Variants in CEP83 observed in about 807,000 individuals in gnomAD.
CEP83 encodes the protein centrosomal protein 83, also known as centrosomal protein of 83 kDa.
A neutral mutation model predicts 101.9 loss-of-function variants in CEP83; 70 were observed. The observed-to-expected ratio is 0.69, with a 90% CI of 0.57 to 0.84. The LOEUF is 0.84. Ranked by LOEUF, CEP83 falls within the 40% of genes least tolerant of loss-of-function variation. The pLI, the probability that CEP83 is intolerant of heterozygous loss-of-function variation, is 0.00. For synonymous variants in CEP83, 264 were observed against 267.9 expected, an observed-to-expected ratio of 0.99 and a Z score of 0.14; for missense variants, 715 against 787.2, an observed-to-expected ratio of 0.91 and a Z score of 1.10.
intron 4 of CEP83, chr12:94,408,226 C>G (rs940224289): frequency 6.6e-6 from 1 of 152,154 alleles, no homozygotes; most frequent in African/African-American, 2.4e-5. Context: ...TCTATAAAAA[C>G]AAATCTTTAA....
chr12:94,369,829 G>A, intron 9 of CEP83, 93 bp downstream of exon 9: 1 of 696,626 alleles, frequency 1.4e-6, no homozygotes, highest in Non-Finnish European at 2.5e-6. Flanking sequence ...TTGAAAATTT[G>A]GAAATAAAAA....
chr12:94,267,203 C>A, the CEP83 span, among the ~76,000 whole-genome samples: 1 of 152,198 alleles, frequency 6.6e-6, no homozygotes. Context: ...GCATTTCAGT[C>A]ATGAGACAAC....
intron 11 of CEP83, among the ~76,000 whole-genome samples, chr12:94,355,162 CA>C (rs1168507228): frequency 6.6e-6 from 1 of 152,078 alleles, no homozygotes; most frequent in Non-Finnish European, 1.5e-5. Flanking sequence ...ACAGAAACTT[CA>C]AATCAACAAC....
In CEP83 at chr12:94,401,653, T is replaced by A. The variant is rs551364149; in HGVS notation, c.418-672A>T. ...GAAATTCGATAACAAGGAAAGCATG[T>A]CTCCTAAAATACCCAGCTCACCATA... is the stretch of plus-strand genomic sequence containing the variant. On this transcript the variant is annotated intron_variant, in intron 5 of 16. Coordinates refer to ENST00000397809, the MANE Select transcript of CEP83 (RefSeq NM_016122.3). Among the ~76,000 whole-genome samples, 47 of 152,266 alleles carry A rather than the reference T, an allele frequency of 3.1e-4. No individual in the cohort carries two copies. In the South Asian group the frequency reaches 3.5e-3, roughly 11 times the overall value.
the CEP83 span, among the ~76,000 whole-genome samples, chr12:94,271,464 C>T: frequency 2.0e-5 from 3 of 152,306 alleles, no homozygotes; most frequent in South Asian, 2.1e-4. Flanking sequence ...AATCATGTGA[C>T]GGGACGATGG....
chr12:94,294,557 T>C, the CEP83 span: 3 of 1,104,732 alleles, frequency 2.7e-6, no homozygotes, highest in Non-Finnish European at 4.1e-6. Context: ...AATATAATAT[T>C]GTTAACCTTT....
At chr12:94,269,066 G>A in the CEP83 span, among the ~76,000 whole-genome samples, 1 of 152,162 alleles carries the variant, frequency 6.6e-6, no homozygotes, top group Non-Finnish European at 1.5e-5. Flanking sequence ...AGGGACATTT[G>A]CTTCACTTTC....
chr12:94,309,885 C>CTT, intron 16 of CEP83, 33 bp downstream of exon 16: 1 of 1,310,958 alleles, frequency 7.6e-7, no homozygotes. Context: ...AAATGTACGA[C>CTT]TTTTTTTTTC....
In CEP83 at chr12:94,412,467, A is replaced by G. The variant is rs371676456; in HGVS notation, c.24T>C (p.Asp8=). The G allele has an allele frequency of 5.6e-6, 9 of 1,612,604 alleles. No individual in the cohort carries two copies. The highest frequency in any genetic ancestry group is 1.3e-5 in the African/African-American group (1 of 74,816). ...GAAAATTATTGGGAAAAGTGTCCAT[A>G]TCGGTAAATGTGCTGACAACCATGT... MVVSTFT[D]MDTFPNNFPP... is the part of the protein sequence containing the mutation. The change falls in exon 3 of 17, where the codon GAT becomes GAC. Residue 8 remains aspartate (D), a synonymous_variant. Transcript: ENST00000397809.
chr12:94,407,718 A>G (rs2063628052), intron 4 of CEP83, among the ~76,000 whole-genome samples: 1 of 152,162 alleles, frequency 6.6e-6, no homozygotes, highest in Admixed American at 6.5e-5. Context: ...CCTATCCCCT[A>G]TACCTCCAAA....
At chr12:94,431,995 G>C (rs1453909179) in intron 2 of CEP83, among the ~76,000 whole-genome samples, 1 of 152,000 alleles carries the variant, frequency 6.6e-6, no homozygotes, top group African/African-American at 2.4e-5. Flanking sequence ...GGTTATTGCA[G>C]CACTATTCAC....
chr12:94,332,541 T>C (rs1348109152), intron 13 of CEP83, among the ~76,000 whole-genome samples: 1 of 152,186 alleles, frequency 6.6e-6, no homozygotes, highest in Non-Finnish European at 1.5e-5. Context: ...GAATATTATT[T>C]AGAAACCAAT....
the CEP83 span, among the ~76,000 whole-genome samples, chr12:94,271,272 G>A: frequency 6.6e-6 from 1 of 152,258 alleles, no homozygotes; most frequent in Non-Finnish European, 1.5e-5. Flanking sequence ...GGCATTATAA[G>A]GTATCACAGA....
At chr12:94,283,766 G>C in the CEP83 span, among the ~76,000 whole-genome samples, 1 of 152,160 alleles carries the variant, frequency 6.6e-6, no homozygotes, top group East Asian at 1.9e-4. Context: ...TTATTAATCT[G>C]GGTGGTACCA....
At chr12:94,304,344 T>G (rs1968787101), downstream of CEP83, 2 of 274,698 alleles carry the variant, frequency 7.3e-6, no homozygotes, top group Non-Finnish European at 1.4e-5. Flanking sequence ...GTGGCCCTAT[T>G]AAATGGGGTC....
intron 2 of CEP83, among the ~76,000 whole-genome samples, chr12:94,429,042 T>C (rs1047830884): frequency 1.3e-5 from 2 of 152,248 alleles, no homozygotes; most frequent in Non-Finnish European, 2.9e-5. Flanking sequence ...AAATGGACTA[T>C]TTAAACTTTC....
chr12:94,282,238 T>G, the CEP83 span: 2 of 1,154,374 alleles, frequency 1.7e-6, no homozygotes, highest in Non-Finnish European at 2.6e-6. Flanking sequence ...CATAAATTTG[T>G]GAAAGTAAAG....
rs78963711 is a variant in CEP83 at position 94,404,124 on chromosome 12, G to C, written c.325-862C>G. 8.1e-3 allele frequency among the ~76,000 whole-genome samples: 1,236 copies of C among 152,174 alleles called. 9 individuals are homozygous for C. Among genetic ancestry groups the C allele is most frequent in the Middle Eastern group, 0.017 (5 of 294 alleles). ...TACAACAATGCCACAGTATAGCTAT[G>C]CTGAGGCACACAAGGTATCTAAATA... On this transcript the variant is annotated intron_variant, in intron 4 of 16. Transcript: ENST00000397809.
chr12:94,422,153 C>A (rs2064806978), intron 2 of CEP83, among the ~76,000 whole-genome samples: 1 of 152,206 alleles, frequency 6.6e-6, no homozygotes, highest in Admixed American at 6.5e-5. Context: ...CCTACCTTTA[C>A]CTCTTTTGGG....
Sources: allele counts gnomAD v4.1 joint callset (sites outside exome capture counted in the v4.1 genomes callset), GRCh38; gene constraint gnomAD v4.1.1; transcripts MANE v1.5; gene names NCBI Gene and HGNC (gene_info 2026-07-23, HGNC 2026-07-21).